The following ARHGAP32 variants were observed in gnomAD, a reference collection of about 807,000 sequenced individuals.
ARHGAP32 encodes Rho GTPase activating protein 32, also known as rho GTPase-activating protein 32.
In ARHGAP32, 51 loss-of-function variants were observed where a neutral mutation model predicts 186.5. The observed-to-expected ratio is 0.27, with a 90% CI of 0.22 to 0.35. The LOEUF (loss-of-function observed/expected upper bound fraction) is 0.35. ARHGAP32 is among the 10% of genes least tolerant of loss of function. The pLI is 1.00. For synonymous variants in ARHGAP32, 950 were observed against 964.3 expected (o/e 0.99, Z 0.27); for missense variants, 2,186 against 2,623.5 (o/e 0.83, Z 3.64).
intron 2 of ARHGAP32, among the ~76,000 whole-genome samples, chr11:129,142,081 G>A (rs1943067714): frequency 6.6e-6 from 1 of 152,130 alleles, no homozygotes; most frequent in Admixed American, 6.6e-5. Flanking sequence ...TGTTATAGTA[G>A]TAAAAAAGAT....
intron 5 of ARHGAP32, among the ~76,000 whole-genome samples, chr11:129,111,428 G>A (rs1942209842): frequency 6.6e-6 from 1 of 152,200 alleles, no homozygotes; most frequent in Non-Finnish European, 1.5e-5. Flanking sequence ...ATGAGTTAGG[G>A]AGAATTCTCT....
At position 129,220,684 on chromosome 11, in the gene ARHGAP32, C is replaced by G. The variant is rs187564617; in HGVS notation, c.-4-56257G>C. ...GCAATTAAAAATGCAGGTTTCTAGGCTCCACTCTAGAACTAGTAAACTAGT... is the reference window on the plus strand; with the variant it reads ...GCAATTAAAAATGCAGGTTTCTAGGGTCCACTCTAGAACTAGTAAACTAGT... On this transcript the variant is annotated intron_variant, in intron 1 of 6. Coordinates refer to the ARHGAP32 transcript ENST00000525234. 7.2e-5 allele frequency among the ~76,000 whole-genome samples: 11 copies of G among 152,284 alleles called. No homozygotes were observed. In the East Asian group the frequency reaches 2.1e-3, roughly 29 times the overall value.
intron 10 of ARHGAP32, among the ~76,000 whole-genome samples, chr11:129,047,033 C>T (rs1591563548): frequency 6.6e-6 from 1 of 150,860 alleles, no homozygotes; most frequent in East Asian, 2.0e-4. Context: ...GAGGCTGAGG[C>T]AGGAGAATGG....
intron 1 of ARHGAP32, among the ~76,000 whole-genome samples, chr11:129,271,659 T>C (rs1412993077): frequency 6.6e-6 from 1 of 152,070 alleles, no homozygotes; most frequent in African/African-American, 2.4e-5. Context: ...AAAAATTGGA[T>C]GAAATCACCT....
chr11:129,060,704 T>A (rs1940464988), intron 10 of ARHGAP32, among the ~76,000 whole-genome samples: 1 of 152,114 alleles, frequency 6.6e-6, no homozygotes, highest in Non-Finnish European at 1.5e-5. Context: ...AACAACCAAA[T>A]TAAATTACTA....
intron 1 of ARHGAP32, among the ~76,000 whole-genome samples, chr11:129,262,859 G>A (rs1243120943): frequency 1.3e-5 from 2 of 151,874 alleles, no homozygotes; most frequent in Non-Finnish European, 2.9e-5. Flanking sequence ...CAAGGTTAAC[G>A]AATTCTTTTT....
chr11:129,273,144 C>T (rs1404212596), intron 1 of ARHGAP32, among the ~76,000 whole-genome samples: 1 of 152,196 alleles, frequency 6.6e-6, no homozygotes, highest in Non-Finnish European at 1.5e-5. Context: ...GATCATTCCA[C>T]TATCTCCTTG....
intron 2 of ARHGAP32, among the ~76,000 whole-genome samples, chr11:129,129,602 T>C (rs941055873): frequency 3.3e-5 from 5 of 152,024 alleles, no homozygotes; most frequent in Non-Finnish European, 5.9e-5. Context: ...AAGGGGGAAA[T>C]ATGGGGAAAA....
chr11:129,187,718 ATTTT>A (rs1944191045), intron 1 of ARHGAP32, among the ~76,000 whole-genome samples: 1 of 152,178 alleles, frequency 6.6e-6, no homozygotes, highest in African/African-American at 2.4e-5. Context: ...TTAAAATAAT[ATTTT>A]AGGGGCTAAA....
At chr11:129,109,045 T>C (rs1187981269) in intron 5 of ARHGAP32, among the ~76,000 whole-genome samples, 1 of 152,180 alleles carries the variant, frequency 6.6e-6, no homozygotes, top group Non-Finnish European at 1.5e-5. Flanking sequence ...TTTCTTCCCA[T>C]TAATCAAACT....
At chr11:129,180,951 G>A (rs889292216) in intron 1 of ARHGAP32, among the ~76,000 whole-genome samples, 9 of 151,938 alleles carry the variant, frequency 5.9e-5, no homozygotes, top group African/African-American at 2.2e-4. Flanking sequence ...TGAGATTCTT[G>A]CTCATAACTT....
At chr11:129,151,399 T>C (rs1366817024) in intron 2 of ARHGAP32, among the ~76,000 whole-genome samples, 3 of 152,098 alleles carry the variant, frequency 2.0e-5, no homozygotes, top group Non-Finnish European at 2.9e-5. Flanking sequence ...CTGGACAGTC[T>C]ACCCAACAAC....
At chr11:129,060,405 GACAGAAGA>G (rs1398838550) in intron 10 of ARHGAP32, among the ~76,000 whole-genome samples, 27 of 148,676 alleles carry the variant, frequency 1.8e-4, no homozygotes, top group South Asian at 1.3e-3. Context: ...CAGACAGACA[GACAGAAGA>G]AAGTTAGTAG....
chr11:129,232,296 C>G (rs1382644393), intron 1 of ARHGAP32, among the ~76,000 whole-genome samples: 1 of 152,132 alleles, frequency 6.6e-6, no homozygotes, highest in Non-Finnish European at 1.5e-5. Context: ...CTTTATACAA[C>G]AGAGGGCTGT....
chr11:129,151,296 T>C (rs1943282173), intron 2 of ARHGAP32, among the ~76,000 whole-genome samples: 1 of 152,044 alleles, frequency 6.6e-6, no homozygotes, highest in African/African-American at 2.4e-5. Flanking sequence ...AAATTCAATA[T>C]TCCACTGACA....
rs1020597390 is a variant in ARHGAP32 at position 129,235,081 on chromosome 11, T to C, written c.-5+44065A>G. Among the ~76,000 whole-genome samples the C allele has an allele frequency of 2.6e-5, 4 of 152,146 alleles. No homozygotes were observed. In the East Asian group the frequency reaches 5.8e-4, roughly 22 times the overall value. On this transcript the variant is annotated intron_variant, in intron 1 of 6. Coordinates refer to the ARHGAP32 transcript ENST00000525234. ...TGGGCTCTAAATCCAACAATAATTA[T>C]CCTTATAAGAGACAGAAGAGGCACA...
At chr11:129,143,030 A>G (rs1222192319) in intron 2 of ARHGAP32, among the ~76,000 whole-genome samples, 1 of 114,746 alleles carries the variant, frequency 8.7e-6, no homozygotes, top group African/African-American at 3.0e-5. Context: ...GGCCTCTTAA[A>G]TAGAAAAAAA....
At chr11:129,248,212 C>CA (rs61454534) in intron 1 of ARHGAP32, among the ~76,000 whole-genome samples, 27,613 of 121,482 alleles carry the variant, frequency 0.23, 2,893 homozygotes, top group East Asian at 0.28. Flanking sequence ...TTGGCTGTCT[C>CA]AAAAAAAAAA....
At chr11:129,232,023 CAAAAAAAAAA>C (rs71057935) in intron 1 of ARHGAP32, among the ~76,000 whole-genome samples, 9 of 64,552 alleles carry the variant, frequency 1.4e-4, no homozygotes, top group East Asian at 6.0e-4. Flanking sequence ...GAGACGGACT[CAAAAAAAAAA>C]AAAAAAAAAA....
Sources: gnomAD v4.1 joint callset for allele counts (sites outside exome capture counted in the v4.1 genomes callset) on GRCh38, gnomAD v4.1.1 for gene constraint, MANE v1.5 for transcripts, NCBI Gene and HGNC (gene_info 2026-07-23, HGNC 2026-07-21) for gene names.